The following LOXHD1 variants were observed in gnomAD, a reference collection of about 807,000 sequenced individuals.
LOXHD1 encodes the protein lipoxygenase homology domain-containing protein 1.
LOXHD1 carries 205 observed loss-of-function variants against 248.2 expected under a neutral mutation model. The observed-to-expected ratio is 0.83, with a 90% CI of 0.74 to 0.93. LOXHD1 has a LOEUF of 0.93. LOXHD1 is among the 40% of genes least tolerant of loss of function. LOXHD1 has a pLI of 0.00. For synonymous variants in LOXHD1, 1,113 were observed against 1,162.8 expected, an observed-to-expected ratio of 0.96 and a Z score of 0.87; for missense variants, 2,930 against 2,971.6, an observed-to-expected ratio of 0.99 and a Z score of 0.33.
Position 46,579,764 on chromosome 18 carries a change from C to T in LOXHD1, c.1675G>A (p.Val559Met). The T allele has an allele frequency of 6.4e-7, 1 of 1,551,826 alleles. No homozygotes were observed. Among genetic ancestry groups the T allele is most frequent in the Non-Finnish European group, 8.7e-7 (1 of 1,147,014 alleles). The change falls in exon 13 of 41, where the codon GTG (valine) becomes ATG (methionine). Residue 559 changes from valine to methionine, a missense_variant. Val to Met is a conservative substitution (Grantham distance 21). Coordinates refer to ENST00000642948, the MANE Select transcript of LOXHD1 (RefSeq NM_001384474.1). ...IMGMARYHVTVCTGELEGAGT... is the reference protein window; with the variant it reads ...IMGMARYHVTMCTGELEGAGT... ...GCACCTTCAAGTTCACCTGTGCACA[C>T]AGTCACATGGTACCGGGCCACTGGC...
chr18:46,504,760 C>T (rs1318177838), intron 37 of LOXHD1, among the ~76,000 whole-genome samples: 1 of 152,176 alleles, frequency 6.6e-6, no homozygotes, highest in African/African-American at 2.4e-5. Flanking sequence ...AAGTGAGGAA[C>T]AACACAACAT....
In LOXHD1 at chr18:46,527,172, T is replaced by G. The variant is rs572364582; in HGVS notation, c.4530+2005A>C. ...AACGGAATCTGAACGCAGAGGGGAA[T>G]GGCTTGCATCACCTTCATTTATGCT... On this transcript the variant is annotated intron_variant, in intron 29 of 40. Transcript: ENST00000642948. Among the ~76,000 whole-genome samples the G allele has an allele frequency of 1.2e-4, 18 of 151,322 alleles. No homozygotes were observed. The South Asian group carries it at 3.1e-3, about 26-fold the overall frequency.
intron 4 of LOXHD1, among the ~76,000 whole-genome samples, chr18:46,632,582 G>C (rs1238043790): frequency 1.3e-5 from 2 of 152,138 alleles, no homozygotes; most frequent in African/African-American, 4.8e-5. Flanking sequence ...TTCCCGGCAG[G>C]ATGGAAGAAA....
chr18:46,591,681 A>G lies in LOXHD1; in HGVS notation c.1654+252T>C, dbSNP rs533883252. Among the ~76,000 whole-genome samples the G allele has an allele frequency of 2.0e-5, 3 of 152,330 alleles. No individual in the cohort carries two copies. In the South Asian group the frequency reaches 6.2e-4, roughly 32 times the overall value. On this transcript the variant is annotated intron_variant, in intron 12 of 40. Coordinates refer to ENST00000642948, the MANE Select transcript of LOXHD1 (RefSeq NM_001384474.1). ...CAGGGCAGATGCTTCTCATCCCCTCAGAGCCAACCTGAAGACCCATACATC... is the reference window on the plus strand; with the variant it reads ...CAGGGCAGATGCTTCTCATCCCCTCGGAGCCAACCTGAAGACCCATACATC...
At position 46,574,419 on chromosome 18, in the gene LOXHD1, A is replaced by ACACACACACACACACC. The variant is rs1357990413; in HGVS notation, c.1971-2258_1971-2257insGGTGTGTGTGTGTGTG. Among the ~76,000 whole-genome samples, 1,076 of 148,994 alleles carry ACACACACACACACACC rather than the reference A, an allele frequency of 7.2e-3. 14 individuals are homozygous for ACACACACACACACACC. The highest frequency in any genetic ancestry group is 0.025 in the African/African-American group (995 of 39,898). On this transcript the variant is annotated intron_variant, in intron 14 of 40. Coordinates refer to ENST00000642948, the MANE Select transcript of LOXHD1 (RefSeq NM_001384474.1). ...CACACACACACACACACACACACAC[A>ACACACACACACACACC]CCTGATCCTAGCAGAAATTCTGATA...
intron 37 of LOXHD1, among the ~76,000 whole-genome samples, chr18:46,500,168 C>A (rs552005293): frequency 6.6e-6 from 1 of 152,130 alleles, no homozygotes; most frequent in Non-Finnish European, 1.5e-5. Flanking sequence ...TGCTCTACAC[C>A]GCCCTTGCTA....
chr18:46,618,613 A>G (rs1160849080), intron 4 of LOXHD1, among the ~76,000 whole-genome samples: 1 of 152,194 alleles, frequency 6.6e-6, no homozygotes, highest in Non-Finnish European at 1.5e-5. Context: ...ATCTGCTAAC[A>G]TGTTGCCTTG....
intron 38 of LOXHD1, among the ~76,000 whole-genome samples, chr18:46,487,054 C>A (rs2033108761): frequency 1.3e-5 from 2 of 152,134 alleles, no homozygotes; most frequent in African/African-American, 4.8e-5. Flanking sequence ...ATATTCAGGG[C>A]AGGTAAACGT....
chr18:46,509,381 C>T (rs536579107), intron 35 of LOXHD1, among the ~76,000 whole-genome samples: 19 of 152,340 alleles, frequency 1.2e-4, no homozygotes, highest in Admixed American at 3.3e-4. Flanking sequence ...TGCTCCTCCT[C>T]TCTCAACCCT....
chr18:46,577,648 C>A, intron 14 of LOXHD1, 59 bp downstream of exon 14: 2 of 1,518,068 alleles, frequency 1.3e-6, no homozygotes, highest in South Asian at 1.3e-5. Context: ...TGGGTCTTCC[C>A]AAAACACAGG....
At chr18:46,552,432 C>A (rs1388583982) in intron 21 of LOXHD1, among the ~76,000 whole-genome samples, 1 of 152,146 alleles carries the variant, frequency 6.6e-6, no homozygotes, top group African/African-American at 2.4e-5. Flanking sequence ...GATCAATAAA[C>A]CTGCACCCCC....
intron 16 of LOXHD1, among the ~76,000 whole-genome samples, chr18:46,566,892 T>A (rs992259577): frequency 6.6e-6 from 1 of 152,224 alleles, no homozygotes; most frequent in Non-Finnish European, 1.5e-5. Context: ...TTCTTCAACA[T>A]ACCCATCCTG....
chr18:46,610,803 C>G lies in LOXHD1; in HGVS notation c.732G>C (p.Gly244=), dbSNP rs2038496437. 1 of 1,551,462 alleles carries G rather than the reference C, an allele frequency of 6.4e-7. No homozygotes were observed. The highest frequency in any genetic ancestry group is 2.0e-5 in the Admixed American group (1 of 50,966). ...MKINVGHNNK[G]GSAGWFLSQI... ...GGGACAGGAACCAACCTGCAGAGCC[C>G]CCCTTATTGTTGTGGCCAACATTGA... Residue 244 remains glycine (G), a synonymous_variant, in exon 6 of 41, where the codon GGG becomes GGC. Coordinates refer to ENST00000642948, the MANE Select transcript of LOXHD1 (RefSeq NM_001384474.1).
rs199695409 is a variant in LOXHD1 at position 46,529,242 on chromosome 18, C to T, written c.4465G>A (p.Gly1489Arg). The change falls in exon 29 of 41, where the codon GGG (glycine) becomes AGG (arginine). Residue 1489 changes from glycine (G) to arginine (R), a missense_variant. Coordinates refer to ENST00000642948, the MANE Select transcript of LOXHD1 (RefSeq NM_001384474.1). ...CCAAGGTATCGCTCCCCAGTGTCCCCGAGGTCTCCATAGATGGTGATGTAC... is the reference window on the plus strand; with the variant it reads ...CCAAGGTATCGCTCCCCAGTGTCCCTGAGGTCTCCATAGATGGTGATGTAC... ...KVYITIYGDLGDTGERYLGKS... is the reference protein window; with the variant it reads ...KVYITIYGDLRDTGERYLGKS... 1.1e-5 allele frequency: 17 copies of T among 1,551,530 alleles called. No homozygotes were observed. The highest frequency in any genetic ancestry group is 2.4e-5 in the South Asian group (2 of 84,054).
chr18:46,602,612 A>T (rs913977766), intron 7 of LOXHD1, among the ~76,000 whole-genome samples: 5 of 152,090 alleles, frequency 3.3e-5, no homozygotes, highest in African/African-American at 9.7e-5. Flanking sequence ...TTATCCCATA[A>T]CCTCAGAGAA....
intron 12 of LOXHD1, among the ~76,000 whole-genome samples, chr18:46,581,720 T>A (rs1416244413): frequency 2.1e-5 from 2 of 96,738 alleles, no homozygotes; most frequent in East Asian, 5.7e-4. Flanking sequence ...CAAATTATGA[T>A]AAATTCAAAG....
At chr18:46,558,831 T>C (rs1906703329) in intron 20 of LOXHD1, among the ~76,000 whole-genome samples, 1 of 152,154 alleles carries the variant, frequency 6.6e-6, no homozygotes, top group Non-Finnish European at 1.5e-5. Context: ...TCCCACTGCA[T>C]TAGGATACAG....
At chr18:46,621,136 T>G (rs986158677) in intron 4 of LOXHD1, among the ~76,000 whole-genome samples, 5 of 152,170 alleles carry the variant, frequency 3.3e-5, no homozygotes, top group African/African-American at 4.8e-5. Context: ...TCTTCTAGCC[T>G]CTGCAGAACT....
At chr18:46,560,051 C>CAA in intron 19 of LOXHD1, 32 bp downstream of exon 19, 81 of 1,310,586 alleles carry the variant, frequency 6.2e-5, no homozygotes, top group Non-Finnish European at 7.9e-5. Flanking sequence ...TGGCCACTCC[C>CAA]TCCCCACCCC....
Sources: allele counts gnomAD v4.1 joint callset (sites outside exome capture counted in the v4.1 genomes callset), GRCh38; gene constraint gnomAD v4.1.1; transcripts MANE v1.5; gene names NCBI Gene and HGNC (gene_info 2026-07-23, HGNC 2026-07-21).